WWOX: variants seen among roughly 807,000 people sequenced by gnomAD.
WWOX encodes WW domain containing oxidoreductase.
WWOX carries 69 observed loss-of-function variants against 46.2 expected under a neutral mutation model. The ratio of observed to expected loss-of-function variants is 1.49; its 90% CI spans 1.23 to 1.82. The LOEUF is 1.82. WWOX is among the 40% of genes most tolerant of loss of function. The pLI, the probability that WWOX is intolerant of heterozygous loss-of-function variation, is 0.00. For synonymous variants in WWOX, 359 were observed against 202.6 expected, an observed-to-expected ratio of 1.77 and a Z score of -6.56; for missense variants, 919 against 542.6, an observed-to-expected ratio of 1.69 and a Z score of -6.89.
At chr16:79,015,458 GTGTC>G in intron 8 of WWOX, among the ~76,000 whole-genome samples, 1 of 152,290 alleles carries the variant, frequency 6.6e-6, no homozygotes, top group East Asian at 1.9e-4. Flanking sequence ...GTTAACCTGA[GTGTC>G]TGCTGCATAG....
chr16:78,563,004 C>T (rs1254446053), intron 8 of WWOX, among the ~76,000 whole-genome samples: 1 of 151,330 alleles, frequency 6.6e-6, no homozygotes, highest in Non-Finnish European at 1.5e-5. Flanking sequence ...TTTTTAATCC[C>T]TCCCCCTATC....
At chr16:79,043,775 T>C (rs2048016190) in intron 8 of WWOX, among the ~76,000 whole-genome samples, 1 of 152,206 alleles carries the variant, frequency 6.6e-6, no homozygotes, top group African/African-American at 2.4e-5. Flanking sequence ...CACCTTTCTT[T>C]CTCTGGTCCT....
At chr16:78,111,351 A>G (rs773187019) in intron 3 of WWOX, among the ~76,000 whole-genome samples, 2 of 152,196 alleles carry the variant, frequency 1.3e-5, no homozygotes, top group Non-Finnish European at 2.9e-5. Context: ...ACTATTAATC[A>G]TTAGCTTTTA....
At chr16:78,238,773 C>A (rs1438445334) in intron 5 of WWOX, among the ~76,000 whole-genome samples, 1 of 151,980 alleles carries the variant, frequency 6.6e-6, no homozygotes, top group East Asian at 1.9e-4. Context: ...ACATGTGCCA[C>A]CACACCCGGC....
chr16:78,517,148 A>G (rs1335414380), intron 8 of WWOX, among the ~76,000 whole-genome samples: 15 of 152,222 alleles, frequency 9.9e-5, no homozygotes, highest in Non-Finnish European at 2.9e-5. Flanking sequence ...GAATACTAAA[A>G]TCTTACAGTG....
intron 8 of WWOX, among the ~76,000 whole-genome samples, chr16:78,567,155 G>A (rs1354960454): frequency 1.3e-5 from 2 of 152,200 alleles, no homozygotes; most frequent in East Asian, 1.9e-4. Context: ...CTGGTGAAGG[G>A]CGTGATTGGC....
chr16:78,167,426 C>G (rs2035009504), intron 5 of WWOX: 1 of 152,168 alleles, frequency 6.6e-6, no homozygotes, highest in African/African-American at 2.4e-5. Flanking sequence ...TATAGTTTTA[C>G]TCTAACATGT....
chr16:78,768,533 T>C (rs530979701), intron 8 of WWOX, among the ~76,000 whole-genome samples: 1 of 149,912 alleles, frequency 6.7e-6, no homozygotes, highest in African/African-American at 2.5e-5. Flanking sequence ...AAGGTTGCAG[T>C]GAGCGGAGAC....
At chr16:78,529,762 C>CAA (rs898411578) in intron 8 of WWOX, among the ~76,000 whole-genome samples, 6 of 152,104 alleles carry the variant, frequency 3.9e-5, no homozygotes, top group Non-Finnish European at 5.9e-5. Context: ...CCACCATGCC[C>CAA]AGCCCTCAGA....
chr16:78,378,872 C>G (rs2081889671), intron 5 of WWOX, among the ~76,000 whole-genome samples: 1 of 152,168 alleles, frequency 6.6e-6, no homozygotes, highest in African/African-American at 2.4e-5. Flanking sequence ...TGATATAAAA[C>G]AGACACAAAT....
intron 8 of WWOX, among the ~76,000 whole-genome samples, chr16:78,628,374 C>G (rs1020174736): frequency 6.6e-6 from 1 of 152,110 alleles, no homozygotes; most frequent in African/African-American, 2.4e-5. Flanking sequence ...CATTCCCAAG[C>G]CCCGTGTGGC....
chr16:78,849,025 G>A (rs1056508223), intron 8 of WWOX, among the ~76,000 whole-genome samples: 7 of 152,172 alleles, frequency 4.6e-5, no homozygotes, highest in African/African-American at 1.7e-4. Context: ...GCAGTAGGAT[G>A]GGTGGCCACC....
intron 8 of WWOX, among the ~76,000 whole-genome samples, chr16:78,730,862 T>A (rs1414891395): frequency 6.6e-6 from 1 of 152,092 alleles, no homozygotes; most frequent in Non-Finnish European, 1.5e-5. Flanking sequence ...CCACCAGGAA[T>A]CTTGGCAACT....
chr16:78,527,571 G>C lies in WWOX; in HGVS notation c.1056+94819G>C, dbSNP rs138953167. On this transcript the variant is annotated intron_variant, in intron 8 of 8. Transcript: ENST00000566780. ...AGCCAGCCAAAGTGCTGGGATTACA[G>C]GCATGAGCCATCGCGCCCAGCCAGA... 5.3e-3 allele frequency among the ~76,000 whole-genome samples: 808 copies of C among 152,276 alleles called. 9 individuals are homozygous for C. Among genetic ancestry groups the C allele is most frequent in the African/African-American group, 0.019 (771 of 41,556 alleles).
At chr16:78,370,200 A>G (rs552877996) in intron 5 of WWOX, among the ~76,000 whole-genome samples, 1 of 151,476 alleles carries the variant, frequency 6.6e-6, no homozygotes, top group Non-Finnish European at 1.5e-5. Flanking sequence ...TTTGCTCCAA[A>G]AGCAAAGATT....
At chr16:78,616,750 A>C (rs1371095465) in intron 8 of WWOX, among the ~76,000 whole-genome samples, 2 of 151,974 alleles carry the variant, frequency 1.3e-5, no homozygotes, top group Non-Finnish European at 2.9e-5. Context: ...TGGGAGACAG[A>C]GGGAGGAGAC....
chr16:78,143,591 G>A (rs1304198103), intron 4 of WWOX, among the ~76,000 whole-genome samples: 3 of 152,136 alleles, frequency 2.0e-5, no homozygotes, highest in African/African-American at 7.2e-5. Context: ...GATATTTACT[G>A]CATTTATTTA....
chr16:78,333,152 G>A (rs1464112777), intron 5 of WWOX, among the ~76,000 whole-genome samples: 3 of 147,546 alleles, frequency 2.0e-5, no homozygotes, highest in Non-Finnish European at 4.5e-5. Flanking sequence ...CCAGGTTCAG[G>A]CGATTCTCCT....
Position 78,547,717 on chromosome 16 carries a change from A to T in WWOX, c.1056+114965A>T, listed in dbSNP as rs143514328. Among the ~76,000 whole-genome samples, 7 of 152,164 alleles carry T rather than the reference A, an allele frequency of 4.6e-5. No homozygotes were observed. In the East Asian group the frequency reaches 1.4e-3, roughly 30 times the overall value. ...GTTCCTAGATGTTCACCTCCTTGCT[A>T]TGTCCTCATATCGTGGGAGGGGCAA... On this transcript the variant is annotated intron_variant, in intron 8 of 8. Coordinates refer to ENST00000566780, the MANE Select transcript of WWOX (RefSeq NM_016373.4).
Sources: gnomAD v4.1 joint callset for allele counts (sites outside exome capture counted in the v4.1 genomes callset) on GRCh38, gnomAD v4.1.1 for gene constraint, MANE v1.5 for transcripts, NCBI Gene and HGNC (gene_info 2026-07-23, HGNC 2026-07-21) for gene names.